HCN2: variants seen among roughly 807,000 people sequenced by gnomAD.
HCN2 encodes potassium/sodium hyperpolarization-activated cyclic nucleotide-gated channel 2.
A neutral mutation model predicts 52.3 loss-of-function variants in HCN2; 20 were observed. That is an observed-to-expected ratio of 0.38 (90% CI 0.27 to 0.56). HCN2 has a LOEUF of 0.56. HCN2 is among the 20% of genes least tolerant of loss of function. HCN2 has a pLI of 0.71. For synonymous variants in HCN2, 694 were observed against 537.0 expected (o/e 1.29, Z -4.04); for missense variants, 981 against 1,207.7 (o/e 0.81, Z 2.78).
intron 4 of HCN2, among the ~76,000 whole-genome samples, chr19:609,730 A>G (rs1983543435): frequency 6.6e-6 from 1 of 152,118 alleles, no homozygotes; most frequent in Non-Finnish European, 1.5e-5. Flanking sequence ...GCGAGACCTC[A>G]TCTCCACAAA....
At chr19:615,431 G>A (rs1222176057) in intron 7 of HCN2, among the ~76,000 whole-genome samples, 3 of 152,190 alleles carry the variant, frequency 2.0e-5, no homozygotes, top group Non-Finnish European at 2.9e-5. Flanking sequence ...GGAGAATGGT[G>A]TGAACCCGGG....
At position 616,513 on chromosome 19, in the gene HCN2, GC is replaced by G; in HGVS notation, c.*40del. The G allele has an allele frequency of 8.6e-7, 1 of 1,164,762 alleles. No homozygotes were observed. The allele number at this position is 1,164,762 out of a possible 1,614,324, so 72.2% of individuals were successfully genotyped here. A position where few individuals can be genotyped will look rare whatever the true frequency, so the allele number is the denominator to read the frequency against. ...CCCCGCGGGCCCAGGCGGGCCGGGG[GC>G]GGGGCCGTCATCCAGACCAAAGCCA... is the stretch of plus-strand genomic sequence containing the variant. On this transcript the variant is annotated 3_prime_UTR_variant, in exon 8 of 8. Coordinates refer to ENST00000251287, the MANE Select transcript of HCN2 (RefSeq NM_001194.4).
Position 615,823 on chromosome 19 carries a change from G to A in HCN2, c.2019G>A (p.Lys673=). The A allele has an allele frequency of 6.2e-7, 1 of 1,612,342 alleles. No individual in the cohort carries two copies. Among genetic ancestry groups the A allele is most frequent in the South Asian group, 1.1e-5 (1 of 90,958 alleles). Reference sequence around the variant, plus strand: ...AGAAGAATTCCATCCTCCTGCACAAGGTGCAGCATGACCTCAACTCGGGCG... The same window carrying A: ...AGAAGAATTCCATCCTCCTGCACAAAGTGCAGCATGACCTCAACTCGGGCG... The part of the protein sequence containing the change: ...IGKKNSILLH[K]VQHDLNSGVF... Residue 673 remains lysine, a synonymous_variant, in exon 8 of 8, where the codon AAG becomes AAA. Coordinates refer to ENST00000251287, the MANE Select transcript of HCN2 (RefSeq NM_001194.4).
intron 5 of HCN2, 114 bp from the exon 6 acceptor site, chr19:613,134 C>A (rs1295864327): frequency 5.1e-6 from 7 of 1,373,220 alleles, no homozygotes; most frequent in Non-Finnish European, 5.9e-6. Context: ...GGGGCTGAGC[C>A]CGTCTCTCAG....
intron 4 of HCN2, among the ~76,000 whole-genome samples, chr19:609,785 C>G (rs758302244): frequency 3.3e-5 from 5 of 152,160 alleles, no homozygotes; most frequent in Non-Finnish European, 7.4e-5. Context: ...CCTGCAGTCC[C>G]TGCTACTCAG....
In HCN2 at chr19:603,784, C is replaced by T. The variant is rs868117452; in HGVS notation, c.873C>T (p.Phe291=). The part of the protein sequence containing the change: ...KIKKKYLRTW[F]VVDFVSSIPV... ...AGAAGAAGTATCTGCGCACGTGGTTCGTGGTGGACTTCGTGTCCTCCATCC... is the reference window on the plus strand; with the variant it reads ...AGAAGAAGTATCTGCGCACGTGGTTTGTGGTGGACTTCGTGTCCTCCATCC... Residue 291 remains phenylalanine, a synonymous_variant, in exon 2 of 8, where the codon TTC becomes TTT. Coordinates refer to ENST00000251287, the MANE Select transcript of HCN2 (RefSeq NM_001194.4). The T allele has an allele frequency of 2.5e-6, 4 of 1,612,726 alleles. No homozygotes were observed. The highest frequency in any genetic ancestry group is 1.3e-5 in the African/African-American group (1 of 74,870).
Position 616,431 on chromosome 19 carries a change from ACCC to A in HCN2, c.2630_2632del (p.Pro877del), listed in dbSNP as rs1444617870. On this transcript the variant is annotated inframe_deletion, in exon 8 of 8. Transcript: ENST00000251287. ...TCACCCGGCGCCGCCGGCGGCCTGG[ACCC>A]CCAGGACTCCGCGCGCTCGCGCCTC... The A allele has an allele frequency of 8.1e-7, 1 of 1,238,976 alleles. No homozygotes were observed. 76.7% of individuals were successfully genotyped at this position (1,238,976 alleles called of 1,614,324 possible). A position where few individuals can be genotyped will look rare whatever the true frequency, so the allele number is the denominator to read the frequency against.
Position 603,886 on chromosome 19 carries a change from C to A in HCN2, c.975C>A (p.Ile325=), listed in dbSNP as rs111985192. The part of the protein sequence containing the change: ...EVYKTARALR[I]VRFTKILSLL... ...ACAAGACGGCACGCGCCCTGCGCAT[C>A]GTGCGCTTCACCAAGATCCTCAGCC... The change falls in exon 2 of 8, where the codon ATC becomes ATA. Residue 325 remains isoleucine, a synonymous_variant. Transcript: ENST00000251287. 6.2e-7 allele frequency: 1 copy of A among 1,612,302 alleles called. No individual in the cohort carries two copies. Among genetic ancestry groups the A allele is most frequent in the Non-Finnish European group, 8.5e-7 (1 of 1,179,756 alleles).
chr19:603,476 G>A (rs1246928095), intron 1 of HCN2, 68 bp from the exon 2 acceptor site: 20 of 1,300,284 alleles, frequency 1.5e-5, no homozygotes, highest in Non-Finnish European at 2.0e-5. Flanking sequence ...AAGGAAGAGT[G>A]CCCGGGGCTG....
intron 1 of HCN2, among the ~76,000 whole-genome samples, chr19:594,382 GC>G (rs138055157): frequency 0.022 from 3,313 of 152,270 alleles, 125 homozygotes; most frequent in African/African-American, 0.075. Flanking sequence ...GTGCCCTGTG[GC>G]CGCCCTGCCG....
In HCN2 at chr19:617,031, A is replaced by C; in HGVS notation, c.*557A>C. The C allele has an allele frequency of 1.9e-6, 1 of 522,836 alleles. No homozygotes were observed. The allele number at this position is 522,836 out of a possible 1,614,324, so 32.4% of individuals were successfully genotyped here. ...CCTGGCTGCGCAGGGCGCGGGGGGG[A>C]GGCTGGGGTCCCGCCGCCGTGATGA... On this transcript the variant is annotated 3_prime_UTR_variant, in exon 8 of 8. Transcript: ENST00000251287.
intron 7 of HCN2, among the ~76,000 whole-genome samples, chr19:615,593 C>T (rs573514124): frequency 6.6e-6 from 1 of 152,200 alleles, no homozygotes. Flanking sequence ...AGGTGCTCAG[C>T]CTGTATATGG....
intron 1 of HCN2, among the ~76,000 whole-genome samples, chr19:595,279 G>A (rs754466877): frequency 1.3e-4 from 19 of 146,706 alleles, no homozygotes; most frequent in Non-Finnish European, 2.4e-4. Context: ...GCCGGGCCCT[G>A]CCTCACCCCC....
intron 1 of HCN2, among the ~76,000 whole-genome samples, chr19:603,099 T>TGC (rs1983266555): frequency 7.0e-6 from 1 of 143,754 alleles, no homozygotes. Flanking sequence ...GCTGGTCCCA[T>TGC]AGGTGCCTGG....
chr19:609,186 G>A lies in HCN2; in HGVS notation c.1437+1004G>A, dbSNP rs559169260. Among the ~76,000 whole-genome samples the A allele has an allele frequency of 4.6e-5, 7 of 152,316 alleles. No individual in the cohort carries two copies. The East Asian group carries it at 1.4e-3, about 29-fold the overall frequency. On this transcript the variant is annotated intron_variant, in intron 4 of 7. Transcript: ENST00000251287. ...GGTGCCACCACCCGCCCGCCGTCAC[G>A]GGTTCCGCTGAGCTCAGGGCAGCTG...
intron 5 of HCN2, among the ~76,000 whole-genome samples, chr19:611,169 C>T (rs377009285): frequency 1.2e-4 from 18 of 152,320 alleles, no homozygotes; most frequent in East Asian, 7.7e-4. Context: ...TCACAGGAAC[C>T]GGGGGTCAGG....
chr19:599,604 C>T (rs1422912219), intron 1 of HCN2, among the ~76,000 whole-genome samples: 1 of 151,564 alleles, frequency 6.6e-6, no homozygotes, highest in African/African-American at 2.4e-5. Flanking sequence ...ATGGTGAAAC[C>T]CCGTCTCTAC....
Position 616,532 on chromosome 19 carries a change from C to A in HCN2, c.*58C>A. 3 of 1,040,886 alleles carry A rather than the reference C, an allele frequency of 2.9e-6. No individual in the cohort carries two copies. The highest frequency in any genetic ancestry group is 3.6e-6 in the Non-Finnish European group (3 of 829,490). The allele number at this position is 1,040,886 out of a possible 1,614,324, so 64.5% of individuals were successfully genotyped here. A position where few individuals can be genotyped will look rare whatever the true frequency, so the allele number is the denominator to read the frequency against. ...CCGGGGGCGGGGCCGTCATCCAGAC[C>A]AAAGCCATGCCATTGCGCTGCCCCG... On this transcript the variant is annotated 3_prime_UTR_variant, in exon 8 of 8. Transcript: ENST00000251287.
intron 1 of HCN2, among the ~76,000 whole-genome samples, chr19:597,957 C>T (rs67376723): frequency 0.041 from 6,293 of 152,260 alleles, 166 homozygotes; most frequent in Middle Eastern, 0.092. Context: ...GGTTTCTAGG[C>T]CCTGTGGCCT....
Sources: allele counts gnomAD v4.1 joint callset (sites outside exome capture counted in the v4.1 genomes callset), GRCh38; gene constraint gnomAD v4.1.1; transcripts MANE v1.5; gene names NCBI Gene and HGNC (gene_info 2026-07-23, HGNC 2026-07-21).